LRRC19: variants seen among roughly 807,000 people sequenced by gnomAD.
The protein encoded by LRRC19 is leucine-rich repeat-containing protein 19.
In LRRC19, 33 loss-of-function variants were observed where a neutral mutation model predicts 33.3. The ratio of observed to expected loss-of-function variants is 0.99; its 90% CI spans 0.75 to 1.33. LRRC19 has a LOEUF of 1.33. Among genes scored for constraint, LRRC19 ranks in the 40% most tolerant of loss-of-function variants. LRRC19 has a pLI of 0.00. For synonymous variants in LRRC19, 184 were observed against 152.3 expected, an observed-to-expected ratio of 1.21 and a Z score of -1.53; for missense variants, 463 against 417.3, an observed-to-expected ratio of 1.11 and a Z score of -0.95.
intron 3 of LRRC19, 148 bp downstream of exon 3, chr9:26,997,580 T>A (rs1345048325): frequency 1.1e-5 from 9 of 785,774 alleles, no homozygotes; most frequent in Non-Finnish European, 1.5e-5. Flanking sequence ...GTGATCCCCC[T>A]GCCTTGGCCT....
Position 26,994,003 on chromosome 9 carries a change from GA to G in LRRC19, c.*1517del, listed in dbSNP as rs1389544649. ...TTGCATTGATAAATTATTAAATTGT[GA>G]TTATAGCCAATTGATTATGAGGACT... is the stretch of plus-strand genomic sequence containing the variant. On this transcript the variant is annotated 3_prime_UTR_variant, in exon 5 of 5. Transcript: ENST00000380055. 1 of 152,136 alleles carries G rather than the reference GA, an allele frequency of 6.6e-6. No individual in the cohort carries two copies. The highest frequency in any genetic ancestry group is 1.5e-5 in the Non-Finnish European group (1 of 68,034). 9.4% of individuals were successfully genotyped at this position (152,136 alleles called of 1,614,324 possible).
In LRRC19 at chr9:26,998,233, T is replaced by C. The variant is rs895441670; in HGVS notation, c.90A>G (p.Gln30=). The change falls in exon 3 of 5, where the codon CAA becomes CAG. Residue 30 remains glutamine, a synonymous_variant. Coordinates refer to ENST00000380055, the MANE Select transcript of LRRC19 (RefSeq NM_022901.3). ...DKIQSSKREV[Q]CNFTEKNYTL... is the part of the protein sequence containing the mutation. Reference sequence around the variant, plus strand: ...TATAATTTTTTTCAGTAAAATTACATTGGACTTCCTAGAAAAACAAAAAAA... The same window carrying C: ...TATAATTTTTTTCAGTAAAATTACACTGGACTTCCTAGAAAAACAAAAAAA... 49 of 1,451,688 alleles carry C rather than the reference T, an allele frequency of 3.4e-5. No individual in the cohort carries two copies. The highest frequency in any genetic ancestry group is 2.3e-5 in the Non-Finnish European group (25 of 1,085,464). 89.9% of individuals were successfully genotyped at this position (1,451,688 alleles called of 1,614,324 possible).
intron 1 of LRRC19, among the ~76,000 whole-genome samples, chr9:27,000,626 T>C (rs920030189): frequency 8.5e-5 from 13 of 152,230 alleles, no homozygotes; most frequent in Non-Finnish European, 1.6e-4. Context: ...ATATTTGTCT[T>C]TTCTTTATAA....
chr9:26,997,890 T>C lies in LRRC19; in HGVS notation c.433A>G (p.Arg145Gly). ...QLNADVFVPL[R>G]SLKLLNLQGN... ...TGCAGATTCAGAAGTTTTAGGCTTC[T>C]TAGAGGCACAAATACATCAGCATTC... The change falls in exon 3 of 5, where the codon AGA becomes GGA. Residue 145 changes from arginine to glycine, a missense_variant. Transcript: ENST00000380055. 6.2e-7 allele frequency: 1 copy of C among 1,614,194 alleles called. No individual in the cohort carries two copies. Among genetic ancestry groups the C allele is most frequent in the Non-Finnish European group, 8.5e-7 (1 of 1,180,020 alleles).
At position 26,998,221 on chromosome 9, in the gene LRRC19, A is replaced by G; in HGVS notation, c.102T>C (p.Thr34=). 6.7e-7 allele frequency: 1 copy of G among 1,484,140 alleles called. No homozygotes were observed. The allele number at this position is 1,484,140 out of a possible 1,614,324, so 91.9% of individuals were successfully genotyped here. A position where few individuals can be genotyped will look rare whatever the true frequency, so the allele number is the denominator to read the frequency against. ...SSKREVQCNF[T]EKNYTLIPAD... ...CTGGAATCAAGGTATAATTTTTTTC[A>G]GTAAAATTACATTGGACTTCCTAGA... Residue 34 remains threonine, a synonymous_variant, in exon 3 of 5, where the codon ACT becomes ACC. Transcript: ENST00000380055.
chr9:26,993,285 A>G lies in LRRC19; in HGVS notation c.*2236T>C, dbSNP rs1339772659. ...CAAATATTAATATTTGCATCTTATA[A>G]TTAGGAAATAATTTAGCAGAATGAT... On this transcript the variant is annotated 3_prime_UTR_variant, in exon 5 of 5. Coordinates refer to ENST00000380055, the MANE Select transcript of LRRC19 (RefSeq NM_022901.3). 1 of 152,110 alleles carries G rather than the reference A, an allele frequency of 6.6e-6. No homozygotes were observed. Among genetic ancestry groups the G allele is most frequent in the African/African-American group, 2.4e-5 (1 of 41,436 alleles). The allele number at this position is 152,110 out of a possible 1,614,324, so 9.4% of individuals were successfully genotyped here.
chr9:27,002,268 A>T (rs1828538937), intron 1 of LRRC19, among the ~76,000 whole-genome samples: 1 of 152,178 alleles, frequency 6.6e-6, no homozygotes, highest in Non-Finnish European at 1.5e-5. Context: ...AGTAGCTGGG[A>T]CTACAGGCAT....
chr9:27,004,660 C>G lies in LRRC19; in HGVS notation c.-10+932G>C, dbSNP rs904391948. Among the ~76,000 whole-genome samples the G allele has an allele frequency of 2.0e-5, 3 of 152,130 alleles. No homozygotes were observed. The East Asian group carries it at 5.8e-4, about 29-fold the overall frequency. On this transcript the variant is annotated intron_variant, in intron 1 of 4. Coordinates refer to ENST00000380055, the MANE Select transcript of LRRC19 (RefSeq NM_022901.3). ...ACAGTTGGTTTAAAAGGAAGTCAGT[C>G]ATTGTTGCTTTCTTTCTCCTTTTGG...
In LRRC19 at chr9:26,995,041, CTA is replaced by C. The variant is rs1017776871; in HGVS notation, c.*478_*479del. The C allele has an allele frequency of 6.6e-6, 1 of 152,274 alleles. No homozygotes were observed. Among genetic ancestry groups the C allele is most frequent in the African/African-American group, 2.4e-5 (1 of 41,428 alleles). The allele number at this position is 152,274 out of a possible 1,614,324, so 9.4% of individuals were successfully genotyped here. A position where few individuals can be genotyped will look rare whatever the true frequency, so the allele number is the denominator to read the frequency against. On this transcript the variant is annotated 3_prime_UTR_variant, in exon 5 of 5. Transcript: ENST00000380055. ...CATTTCAAAAAAATATTTTCCAACT[CTA>C]TGATTTTATTCTGGGAGCATAAAAT...
chr9:27,003,064 G>T (rs546071679), intron 1 of LRRC19, among the ~76,000 whole-genome samples: 25 of 152,062 alleles, frequency 1.6e-4, no homozygotes, highest in African/African-American at 5.8e-4. Context: ...AAACAGGCTT[G>T]CTTTCTTGAT....
chr9:27,001,527 G>A (rs1828490596), intron 1 of LRRC19, among the ~76,000 whole-genome samples: 1 of 152,104 alleles, frequency 6.6e-6, no homozygotes, highest in Non-Finnish European at 1.5e-5. Flanking sequence ...ATATATCATT[G>A]TAGTTTTGAT....
At chr9:27,002,856 T>C (rs1828573810) in intron 1 of LRRC19, among the ~76,000 whole-genome samples, 1 of 152,190 alleles carries the variant, frequency 6.6e-6, no homozygotes, top group Admixed American at 6.5e-5. Context: ...AGGAATTGCA[T>C]TGAATCAGTA....
Position 26,994,372 on chromosome 9 carries a change from A to C in LRRC19, c.*1149T>G, listed in dbSNP as rs1587308211. Reference sequence around the variant, plus strand: ...GCCAACATGGTGAAACCCTGTCTCTACTAAAAATACAGAAATTAGCCAGGC... The same window carrying C: ...GCCAACATGGTGAAACCCTGTCTCTCCTAAAAATACAGAAATTAGCCAGGC... On this transcript the variant is annotated 3_prime_UTR_variant, in exon 5 of 5. Transcript: ENST00000380055. The C allele has an allele frequency of 6.6e-6, 1 of 151,974 alleles. No homozygotes were observed. Among genetic ancestry groups the C allele is most frequent in the African/African-American group, 2.4e-5 (1 of 41,364 alleles). 9.4% of individuals were successfully genotyped at this position (151,974 alleles called of 1,614,324 possible).
intron 1 of LRRC19, among the ~76,000 whole-genome samples, chr9:27,002,650 A>G (rs1031076740): frequency 2.0e-5 from 3 of 152,162 alleles, no homozygotes; most frequent in East Asian, 1.9e-4. Flanking sequence ...TGGTCTATGG[A>G]TCTGTCTTGA....
chr9:27,003,216 A>C (rs1321888882), intron 1 of LRRC19, among the ~76,000 whole-genome samples: 4 of 149,136 alleles, frequency 2.7e-5, no homozygotes, highest in African/African-American at 9.9e-5. Context: ...TTTTTTTTTT[A>C]ATTTTTTAAG....
At chr9:26,999,768 T>TTA in intron 1 of LRRC19, 65 bp from the exon 2 acceptor site, 50 of 988,292 alleles carry the variant, frequency 5.1e-5, no homozygotes, top group African/African-American at 9.1e-5. Flanking sequence ...AATCTGTTTA[T>TTA]TCTTTTTTTT....
At chr9:27,004,867 T>G (rs1207619560) in intron 1 of LRRC19, among the ~76,000 whole-genome samples, 1 of 152,148 alleles carries the variant, frequency 6.6e-6, no homozygotes, top group Non-Finnish European at 1.5e-5. Flanking sequence ...AAAAAAGAGC[T>G]TTACTCAAAG....
intron 4 of LRRC19, 126 bp downstream of exon 4, chr9:26,996,185 A>C (rs1027698087): frequency 1.7e-4 from 111 of 646,406 alleles, no homozygotes; most frequent in Non-Finnish European, 2.6e-4. Flanking sequence ...ATATTTTGTA[A>C]ATCTTTAGTT....
intron 3 of LRRC19, among the ~76,000 whole-genome samples, chr9:26,997,330 CTTTT>C (rs773530183): frequency 0.017 from 2,128 of 123,406 alleles, 35 homozygotes; most frequent in African/African-American, 0.058. Flanking sequence ...GTTTCCTTTC[CTTTT>C]TTTTTTTTTT....
Sources: allele counts gnomAD v4.1 joint callset (sites outside exome capture counted in the v4.1 genomes callset), GRCh38; gene constraint gnomAD v4.1.1; transcripts MANE v1.5; gene names NCBI Gene and HGNC (gene_info 2026-07-23, HGNC 2026-07-21).